Variants in RANBP2 observed in about 807,000 individuals in gnomAD.
The protein encoded by RANBP2 is RAN binding protein 2, also known as E3 SUMO-protein ligase RanBP2.
RANBP2 carries 57 observed loss-of-function variants against 303.6 expected under a neutral mutation model. That is an observed-to-expected ratio of 0.19 (90% CI 0.15 to 0.23). RANBP2 has a LOEUF of 0.23. RANBP2 is among the 10% of genes least tolerant of loss of function. RANBP2 has a pLI of 1.00. For synonymous variants in RANBP2, 1,167 were observed against 1,301.5 expected (o/e 0.90, Z 2.23); for missense variants, 3,138 against 3,780.8 (o/e 0.83, Z 4.46).
At chr2:108,800,638 T>TTTTTTTA in the RANBP2 span, among the ~76,000 whole-genome samples, 92 of 73,766 alleles carry the variant, frequency 1.2e-3, 8 homozygotes, top group African/African-American at 4.7e-3. Flanking sequence ...TTTTTTTTTT[T>TTTTTTTA]AATTATACTT....
chr2:109,352,890 C>T, the RANBP2 span, among the ~76,000 whole-genome samples: 1 of 152,246 alleles, frequency 6.6e-6, no homozygotes, highest in Non-Finnish European at 1.5e-5. Flanking sequence ...CACAGATAAC[C>T]GTTTTGATTT....
chr2:109,138,713 T>C, the RANBP2 span, among the ~76,000 whole-genome samples: 3 of 152,334 alleles, frequency 2.0e-5, no homozygotes, highest in South Asian at 6.2e-4. Context: ...ACAGAATGAA[T>C]GGTGGCCCAG....
the RANBP2 span, among the ~76,000 whole-genome samples, chr2:109,708,745 G>A: frequency 6.6e-6 from 1 of 152,192 alleles, no homozygotes; most frequent in Non-Finnish European, 1.5e-5. Flanking sequence ...GGGAGGCTGA[G>A]GCAGGTGATC....
chr2:109,184,586 C>G, the RANBP2 span, among the ~76,000 whole-genome samples: 1 of 152,142 alleles, frequency 6.6e-6, no homozygotes, highest in Non-Finnish European at 1.5e-5. Flanking sequence ...TGTTGGCTTC[C>G]CCCATCCAGT....
chr2:108,879,259 A>G, the RANBP2 span, among the ~76,000 whole-genome samples: 2 of 152,310 alleles, frequency 1.3e-5, no homozygotes, highest in East Asian at 3.9e-4. Context: ...AGCATGAACC[A>G]ATGTGCCTAG....
At chr2:109,157,951 T>C in the RANBP2 span, among the ~76,000 whole-genome samples, 4 of 152,162 alleles carry the variant, frequency 2.6e-5, no homozygotes, top group South Asian at 2.1e-4. Flanking sequence ...ATCCACTGTT[T>C]AGTGACGAGG....
chr2:108,912,598 G>A, the RANBP2 span: 1 of 1,342,044 alleles, frequency 7.5e-7, no homozygotes, highest in Non-Finnish European at 1.0e-6. Flanking sequence ...CATCACTCAT[G>A]ATCATTTCCT....
the RANBP2 span, among the ~76,000 whole-genome samples, chr2:109,651,258 C>T: frequency 5.9e-5 from 9 of 152,126 alleles, no homozygotes; most frequent in African/African-American, 1.9e-4. Flanking sequence ...AACAATACCA[C>T]ATATTACTCC....
downstream of RANBP2, chr2:108,788,088 A>C (rs1256965962): frequency 1.2e-6 from 2 of 1,602,198 alleles, no homozygotes; most frequent in East Asian, 2.2e-5. Context: ...TAACCTCCCC[A>C]GGTAAGCCGG....
chr2:109,577,527 G>A, the RANBP2 span, among the ~76,000 whole-genome samples: 1 of 151,856 alleles, frequency 6.6e-6, no homozygotes, highest in Non-Finnish European at 1.5e-5. Flanking sequence ...AGGAGGTGGA[G>A]GTTGCAGTGA....
chr2:109,771,396 C>T, the RANBP2 span, among the ~76,000 whole-genome samples: 3 of 99,228 alleles, frequency 3.0e-5, 1 homozygote, highest in Admixed American at 2.3e-4. Flanking sequence ...TCACGTGCGG[C>T]GGCATACTGT....
At chr2:108,803,639 G>A in the RANBP2 span, among the ~76,000 whole-genome samples, 1 of 152,062 alleles carries the variant, frequency 6.6e-6, no homozygotes, top group East Asian at 1.9e-4. Flanking sequence ...CCATGTCTGG[G>A]ACCCACCCTG....
At chr2:108,769,273 C>T (rs1354193128) in intron 20 of RANBP2, 1 of 984,928 alleles carries the variant, frequency 1.0e-6, no homozygotes, top group Non-Finnish European at 1.2e-6. Context: ...TTAATTTTAG[C>T]CTTTTTAAAT....
the RANBP2 span, among the ~76,000 whole-genome samples, chr2:109,624,058 C>T: frequency 6.6e-6 from 1 of 152,208 alleles, no homozygotes; most frequent in Non-Finnish European, 1.5e-5. Flanking sequence ...TGACTCAGAG[C>T]TTTGCAAACT....
chr2:108,795,067 A>G, the RANBP2 span, among the ~76,000 whole-genome samples: 1 of 151,412 alleles, frequency 6.6e-6, no homozygotes, highest in Non-Finnish European at 1.5e-5. Flanking sequence ...ATATATAAAA[A>G]GTCTTCTTGT....
At chr2:109,764,545 T>C in the RANBP2 span, among the ~76,000 whole-genome samples, 4 of 149,928 alleles carry the variant, frequency 2.7e-5, 1 homozygote, top group African/African-American at 9.8e-5. Flanking sequence ...TACATATTAG[T>C]GTTATTGTCA....
the RANBP2 span, among the ~76,000 whole-genome samples, chr2:108,990,805 C>G: frequency 6.6e-6 from 1 of 152,136 alleles, no homozygotes; most frequent in South Asian, 2.1e-4. Context: ...GGTTGTCTAC[C>G]CTGCTCATGC....
At chr2:109,219,550 A>C in the RANBP2 span, among the ~76,000 whole-genome samples, 1 of 152,226 alleles carries the variant, frequency 6.6e-6, no homozygotes, top group African/African-American at 2.4e-5. Context: ...TATGCATAGA[A>C]AACTCTAAGG....
intron 24 of RANBP2, among the ~76,000 whole-genome samples, chr2:108,776,383 G>A (rs1042751381): frequency 1.1e-4 from 16 of 152,066 alleles, no homozygotes; most frequent in African/African-American, 3.4e-4. Flanking sequence ...TACTTTTAAA[G>A]CTTGTTAAAT....
Sources: allele counts gnomAD v4.1 joint callset (sites outside exome capture counted in the v4.1 genomes callset), GRCh38; gene constraint gnomAD v4.1.1; transcripts MANE v1.5; gene names NCBI Gene and HGNC (gene_info 2026-07-23, HGNC 2026-07-21).